KCNH8: variants seen among roughly 807,000 people sequenced by gnomAD.
KCNH8 encodes the protein potassium voltage-gated channel subfamily H member 8.
KCNH8 carries 70 observed loss-of-function variants against 103.6 expected under a neutral mutation model. That is an observed-to-expected ratio of 0.68 (90% CI 0.56 to 0.82). The LOEUF is 0.82. Ranked by LOEUF, KCNH8 falls within the 40% of genes least tolerant of loss-of-function variation. The probability of loss-of-function intolerance (pLI) is 0.00; values close to 1 mark genes in which losing one functional copy is unlikely to be tolerated. For synonymous variants in KCNH8, 498 were observed against 489.4 expected, an observed-to-expected ratio of 1.02 and a Z score of -0.23; for missense variants, 1,217 against 1,329.9, an observed-to-expected ratio of 0.92 and a Z score of 1.32.
At chr3:19,356,661 A>G (rs944852198) in intron 5 of KCNH8, among the ~76,000 whole-genome samples, 3 of 151,980 alleles carry the variant, frequency 2.0e-5, no homozygotes, top group Non-Finnish European at 4.4e-5. Flanking sequence ...GAATAGCATT[A>G]ATCGAATCCA....
At chr3:19,241,729 CA>C (rs1246383761) in intron 1 of KCNH8, among the ~76,000 whole-genome samples, 1 of 149,766 alleles carries the variant, frequency 6.7e-6, no homozygotes, top group African/African-American at 2.4e-5. Flanking sequence ...CACAGACACA[CA>C]CACACACACA....
chr3:19,533,619 A>G lies in KCNH8; in HGVS notation c.2844A>G (p.Gln948=), dbSNP rs1248341986. Residue 948 remains glutamine (Q), a synonymous_variant, in exon 16 of 16, where the codon CAA becomes CAG. Coordinates refer to ENST00000328405, the MANE Select transcript of KCNH8 (RefSeq NM_144633.3). ...GCGGGGCTGCTTATACCCAAGCACA[A>G]CTTTGTAGCAGTAATATCACCTCAG... The part of the protein sequence containing the change: ...QTGGAAYTQA[Q]LCSSNITSDI... 6.2e-7 allele frequency: 1 copy of G among 1,614,162 alleles called. No homozygotes were observed. Among genetic ancestry groups the G allele is most frequent in the South Asian group, 1.1e-5 (1 of 91,084 alleles).
intron 1 of KCNH8, among the ~76,000 whole-genome samples, chr3:19,221,712 T>C (rs2063876485): frequency 6.6e-6 from 1 of 152,222 alleles, no homozygotes; most frequent in South Asian, 2.1e-4. Context: ...AAATGTCATA[T>C]AAAGTTTAAT....
At chr3:19,479,027 C>T (rs760061265) in intron 11 of KCNH8, among the ~76,000 whole-genome samples, 44 of 152,152 alleles carry the variant, frequency 2.9e-4, no homozygotes, top group Non-Finnish European at 4.7e-4. Context: ...ATTACCTCCT[C>T]TATCAGAATT....
At chr3:19,419,576 G>T (rs2066920439) in intron 7 of KCNH8, among the ~76,000 whole-genome samples, 1 of 152,092 alleles carries the variant, frequency 6.6e-6, no homozygotes, top group South Asian at 2.1e-4. Flanking sequence ...GCCTTTACTT[G>T]AATGTGAGAG....
intron 11 of KCNH8, among the ~76,000 whole-genome samples, chr3:19,504,970 T>C (rs9851288): frequency 0.012 from 1,867 of 151,050 alleles, 32 homozygotes; most frequent in African/African-American, 0.041. Flanking sequence ...ATGTGAGATA[T>C]ATATATATAT....
intron 1 of KCNH8, among the ~76,000 whole-genome samples, chr3:19,194,032 T>C (rs1041104222): frequency 4.0e-5 from 6 of 151,752 alleles, no homozygotes; most frequent in African/African-American, 1.4e-4. Flanking sequence ...GACAGTAAAT[T>C]TTAAGCAAAA....
chr3:19,500,305 A>G (rs1488391680), intron 11 of KCNH8, among the ~76,000 whole-genome samples: 3 of 152,204 alleles, frequency 2.0e-5, no homozygotes, highest in Admixed American at 6.5e-5. Flanking sequence ...AGTGACCTAC[A>G]AAGAGACTTA....
At chr3:19,297,160 C>G (rs1381435128) in intron 3 of KCNH8, among the ~76,000 whole-genome samples, 2 of 152,058 alleles carry the variant, frequency 1.3e-5, no homozygotes, top group Non-Finnish European at 2.9e-5. Context: ...GAAAAAAATA[C>G]TGAGATACCC....
intron 5 of KCNH8, among the ~76,000 whole-genome samples, chr3:19,357,293 T>C (rs1259259055): frequency 6.6e-6 from 1 of 151,120 alleles, no homozygotes; most frequent in Non-Finnish European, 1.5e-5. Context: ...TAGAAGGAGA[T>C]GGTGTTTGAA....
chr3:19,309,700 G>T (rs2065184921), intron 3 of KCNH8, among the ~76,000 whole-genome samples: 1 of 151,846 alleles, frequency 6.6e-6, no homozygotes, highest in Admixed American at 6.6e-5. Flanking sequence ...ATTTTCAAAG[G>T]AATTGATAGT....
At position 19,275,588 on chromosome 3, in the gene KCNH8, T is replaced by C. The variant is rs2064657918; in HGVS notation, c.311-5610T>C. On this transcript the variant is annotated intron_variant, in intron 2 of 15. Transcript: ENST00000328405. ...CCCTGGAAGAAATGTTCACTGCAGATAAGGTGAAGCTTTTACCTCATGTTT... is the reference window on the plus strand; with the variant it reads ...CCCTGGAAGAAATGTTCACTGCAGACAAGGTGAAGCTTTTACCTCATGTTT... 2.6e-5 allele frequency among the ~76,000 whole-genome samples: 4 copies of C among 152,294 alleles called. No homozygotes were observed. The South Asian group carries it at 8.3e-4, about 32-fold the overall frequency.
At chr3:19,154,847 G>A (rs1338877625) in intron 1 of KCNH8, among the ~76,000 whole-genome samples, 1 of 152,200 alleles carries the variant, frequency 6.6e-6, no homozygotes, top group Non-Finnish European at 1.5e-5. Flanking sequence ...AAGGTAAAGA[G>A]TTGGAACTGC....
chr3:19,206,168 G>GTGTGTGTATATATATATATA (rs979868166), intron 1 of KCNH8, among the ~76,000 whole-genome samples: 3 of 139,254 alleles, frequency 2.2e-5, no homozygotes, highest in African/African-American at 5.7e-5. Context: ...TGGTGTGTGT[G>GTGTGTGTATATATATATATA]TATATATATA....
intron 11 of KCNH8, among the ~76,000 whole-genome samples, chr3:19,462,708 G>T (rs1305649736): frequency 6.6e-6 from 1 of 152,108 alleles, no homozygotes; most frequent in East Asian, 1.9e-4. Context: ...AGTCATGAAG[G>T]CTTTGCCCAT....
At chr3:19,334,954 C>A (rs1398120457) in intron 3 of KCNH8, among the ~76,000 whole-genome samples, 1 of 151,822 alleles carries the variant, frequency 6.6e-6, no homozygotes, top group Non-Finnish European at 1.5e-5. Flanking sequence ...GCATGAAATT[C>A]TTGGTATTGA....
chr3:19,290,967 T>G (rs776159099), intron 3 of KCNH8, among the ~76,000 whole-genome samples: 2 of 152,146 alleles, frequency 1.3e-5, no homozygotes, highest in African/African-American at 2.4e-5. Flanking sequence ...CTGGTTTAGT[T>G]TTGGGAGAGT....
chr3:19,181,426 G>A (rs1575418510), intron 1 of KCNH8, among the ~76,000 whole-genome samples: 1 of 152,004 alleles, frequency 6.6e-6, no homozygotes. Flanking sequence ...AGAGATGAAC[G>A]ACAAAACAAG....
At chr3:19,273,766 G>T (rs557133113) in intron 2 of KCNH8, among the ~76,000 whole-genome samples, 47 of 152,260 alleles carry the variant, frequency 3.1e-4, no homozygotes, top group African/African-American at 4.1e-4. Context: ...CTCAACCTGG[G>T]ACTGGCAGCA....
Sources: gnomAD v4.1 joint callset for allele counts (sites outside exome capture counted in the v4.1 genomes callset) on GRCh38, gnomAD v4.1.1 for gene constraint, MANE v1.5 for transcripts, NCBI Gene and HGNC (gene_info 2026-07-23, HGNC 2026-07-21) for gene names.